The following ANKS1B variants were observed in gnomAD, a reference collection of about 807,000 sequenced individuals.
ANKS1B encodes the protein ankyrin repeat and sterile alpha motif domain containing 1B, also known as ankyrin repeat and sterile alpha motif domain-containing protein 1B.
In ANKS1B, 36 loss-of-function variants were observed where a neutral mutation model predicts 148.3. That is an observed-to-expected ratio of 0.24 (90% confidence interval 0.19 to 0.32). ANKS1B has a LOEUF of 0.32. ANKS1B is among the 10% of genes least tolerant of loss of function. ANKS1B has a pLI of 1.00. For synonymous variants in ANKS1B, 542 were observed against 560.8 expected (o/e 0.97, Z 0.47); for missense variants, 1,157 against 1,542.6 (o/e 0.75, Z 4.19).
chr12:99,392,104 GC>G (rs2152552472), intron 12 of ANKS1B, among the ~76,000 whole-genome samples: 1 of 152,284 alleles, frequency 6.6e-6, no homozygotes, highest in South Asian at 2.1e-4. Flanking sequence ...ATATCAGCTT[GC>G]CCCGAATCTT....
intron 4 of ANKS1B, among the ~76,000 whole-genome samples, chr12:99,792,764 C>T (rs2065817850): frequency 6.6e-6 from 1 of 151,942 alleles, no homozygotes; most frequent in African/African-American, 2.4e-5. Flanking sequence ...AAACTGAAAG[C>T]CTTTCCTCTA....
At chr12:99,559,184 T>C (rs542407320) in intron 9 of ANKS1B, among the ~76,000 whole-genome samples, 1 of 152,262 alleles carries the variant, frequency 6.6e-6, no homozygotes, top group African/African-American at 2.4e-5. Context: ...AATGTTCTTG[T>C]TTCTCAGTGA....
chr12:99,110,015 C>G (rs1338891619), intron 15 of ANKS1B, among the ~76,000 whole-genome samples: 1 of 152,134 alleles, frequency 6.6e-6, no homozygotes, highest in African/African-American at 2.4e-5. Context: ...AGTGACAGAA[C>G]TTGAAATTAG....
intron 14 of ANKS1B, among the ~76,000 whole-genome samples, chr12:99,197,330 T>C (rs1175212965): frequency 6.6e-6 from 1 of 152,220 alleles, no homozygotes; most frequent in Non-Finnish European, 1.5e-5. Flanking sequence ...GATTGGCCTC[T>C]GCTCATGTTT....
intron 17 of ANKS1B, among the ~76,000 whole-genome samples, chr12:98,869,416 T>C (rs2099641843): frequency 6.6e-6 from 1 of 151,930 alleles, no homozygotes; most frequent in Non-Finnish European, 1.5e-5. Flanking sequence ...AACTCCTGAG[T>C]CCGGACAAGA....
chr12:99,590,419 C>A (rs1168709891), intron 9 of ANKS1B, among the ~76,000 whole-genome samples: 1 of 152,070 alleles, frequency 6.6e-6, no homozygotes, highest in Non-Finnish European at 1.5e-5. Context: ...TTCCCTTTTT[C>A]TTAATTATCT....
At chr12:99,231,488 C>T (rs575841816) in intron 14 of ANKS1B, among the ~76,000 whole-genome samples, 13 of 152,162 alleles carry the variant, frequency 8.5e-5, no homozygotes, top group African/African-American at 2.7e-4. Flanking sequence ...TCTTCTTCAT[C>T]TATAAAATGG....
intron 1 of ANKS1B, among the ~76,000 whole-genome samples, chr12:99,905,625 C>T (rs2093751259): frequency 6.6e-6 from 1 of 152,196 alleles, no homozygotes; most frequent in African/African-American, 2.4e-5. Flanking sequence ...TCTCACAATT[C>T]TAAAGGCCAG....
intron 13 of ANKS1B, among the ~76,000 whole-genome samples, chr12:99,246,043 A>T (rs902210571): frequency 6.6e-6 from 1 of 152,120 alleles, no homozygotes; most frequent in African/African-American, 2.4e-5. Context: ...CTTCTGCTTG[A>T]TATCAATTTC....
In ANKS1B at chr12:99,443,191, G is replaced by A. The variant is rs546204359; in HGVS notation, c.1575+482C>T. Reference sequence around the variant, plus strand: ...AGCTAGAGGACTGGGAACACTGGAGGAAAACAAGGAGCAATATTAAACGCA... The same window carrying A: ...AGCTAGAGGACTGGGAACACTGGAGAAAAACAAGGAGCAATATTAAACGCA... On this transcript the variant is annotated intron_variant, in intron 11 of 26. Coordinates refer to ENST00000683438, the MANE Select transcript of ANKS1B (RefSeq NM_001352186.2). Among the ~76,000 whole-genome samples the A allele has an allele frequency of 7.2e-5, 11 of 151,966 alleles. No homozygotes were observed. In the East Asian group the frequency reaches 2.1e-3, roughly 30 times the overall value.
chr12:99,060,838 TAAA>T (rs2042227318), intron 16 of ANKS1B, among the ~76,000 whole-genome samples: 1 of 151,496 alleles, frequency 6.6e-6, no homozygotes, highest in South Asian at 2.1e-4. Context: ...AGGAAGGCAA[TAAA>T]AACAGGTAAA....
At chr12:99,521,148 G>T (rs1372015376) in intron 9 of ANKS1B, among the ~76,000 whole-genome samples, 2 of 152,046 alleles carry the variant, frequency 1.3e-5, no homozygotes, top group African/African-American at 4.8e-5. Flanking sequence ...TCTGCTGCTT[G>T]ATCAATTCTA....
At chr12:98,880,905 C>A (rs968626647) in intron 17 of ANKS1B, among the ~76,000 whole-genome samples, 9 of 152,026 alleles carry the variant, frequency 5.9e-5, no homozygotes, top group African/African-American at 1.9e-4. Context: ...GAGAGAAAGA[C>A]CCTAATGAAA....
At chr12:99,694,463 A>G (rs2053603692) in intron 8 of ANKS1B, among the ~76,000 whole-genome samples, 1 of 151,690 alleles carries the variant, frequency 6.6e-6, no homozygotes, top group Non-Finnish European at 1.5e-5. Context: ...GAATTGTCAG[A>G]CTATGGATGG....
chr12:99,976,348 AT>A (rs1185611143), intron 1 of ANKS1B, among the ~76,000 whole-genome samples: 1 of 152,002 alleles, frequency 6.6e-6, no homozygotes, highest in African/African-American at 2.4e-5. Context: ...TCTGTTGAAA[AT>A]TTTTTTTAAA....
intron 11 of ANKS1B, among the ~76,000 whole-genome samples, chr12:99,406,064 A>T (rs562444944): frequency 2.1e-5 from 3 of 145,662 alleles, no homozygotes; most frequent in African/African-American, 7.8e-5. Flanking sequence ...ACCCCAATAC[A>T]ATAGTAGCTG....
chr12:99,349,269 A>C (rs1311677822), intron 12 of ANKS1B, among the ~76,000 whole-genome samples: 2 of 152,000 alleles, frequency 1.3e-5, no homozygotes. Context: ...AAAGACAATA[A>C]TGGAGGAATT....
chr12:99,666,857 G>GGTGTGT (rs3083633), intron 8 of ANKS1B, among the ~76,000 whole-genome samples: 6,191 of 132,560 alleles, frequency 0.047, 225 homozygotes, highest in African/African-American at 0.096. Context: ...GTTACTATGG[G>GGTGTGT]GTGTGTGTGT....
At position 99,407,880 on chromosome 12, in the gene ANKS1B, T is replaced by G. The variant is rs1014977334; in HGVS notation, c.1576-8069A>C. Among the ~76,000 whole-genome samples the G allele has an allele frequency of 2.7e-5, 4 of 146,174 alleles. 1 individual carries two copies. Among genetic ancestry groups the G allele is most frequent in the African/African-American group, 7.8e-5 (3 of 38,596 alleles). Reference sequence around the variant, plus strand: ...TAAGAAAATGAAAAGATATTCCACTTTCTGGATTGGTAGAATAAACACTGT... The same window carrying G: ...TAAGAAAATGAAAAGATATTCCACTGTCTGGATTGGTAGAATAAACACTGT... On this transcript the variant is annotated intron_variant, in intron 11 of 26. Coordinates refer to ENST00000683438, the MANE Select transcript of ANKS1B (RefSeq NM_001352186.2).
Sources: gnomAD v4.1 joint callset for allele counts (sites outside exome capture counted in the v4.1 genomes callset) on GRCh38, gnomAD v4.1.1 for gene constraint, MANE v1.5 for transcripts, NCBI Gene and HGNC (gene_info 2026-07-23, HGNC 2026-07-21) for gene names.